The following EPM2A variants were observed in gnomAD, a reference collection of about 807,000 sequenced individuals.
EPM2A encodes EPM2A glucan phosphatase, laforin.
A neutral mutation model predicts 26.5 loss-of-function variants in EPM2A; 21 were observed. The observed-to-expected ratio is 0.79, with a 90% CI of 0.56 to 1.14. EPM2A has a LOEUF of 1.14. EPM2A is among the 50% of genes most tolerant of loss of function. The probability of loss-of-function intolerance (pLI) is 0.00; values close to 1 mark genes in which losing one functional copy is unlikely to be tolerated. For missense variants in EPM2A, 458 were observed against 440.8 expected (o/e 1.04, Z -0.35); for synonymous variants, 217 against 177.6 (o/e 1.22, Z -1.76).
intron 2 of EPM2A, among the ~76,000 whole-genome samples, chr6:145,673,627 C>G (rs979337662): frequency 6.6e-6 from 1 of 152,198 alleles, no homozygotes; most frequent in African/African-American, 2.4e-5. Context: ...GATTCTCTCC[C>G]GTGCCTAGCT....
chr6:145,710,626 T>C (rs1277845370), intron 1 of EPM2A, among the ~76,000 whole-genome samples: 3 of 152,172 alleles, frequency 2.0e-5, no homozygotes, highest in African/African-American at 7.2e-5. Context: ...ACTGGGTATA[T>C]ACCCAAAGGA....
chr6:145,683,706 C>A (rs1428512819), intron 2 of EPM2A, among the ~76,000 whole-genome samples: 1 of 152,076 alleles, frequency 6.6e-6, no homozygotes, highest in East Asian at 1.9e-4. Context: ...ACAGACCCTG[C>A]CTGTCTTTTC....
intron 2 of EPM2A, among the ~76,000 whole-genome samples, chr6:145,593,469 AC>A (rs1781301648): frequency 6.6e-6 from 1 of 152,132 alleles, no homozygotes; most frequent in Non-Finnish European, 1.5e-5. Context: ...TTCAACAGCC[AC>A]ATTATACAAA....
At chr6:145,676,774 G>T (rs554768083) in intron 2 of EPM2A, among the ~76,000 whole-genome samples, 1 of 152,284 alleles carries the variant, frequency 6.6e-6, no homozygotes, top group African/African-American at 2.4e-5. Flanking sequence ...TTCTGAAATT[G>T]AGGCAATAAT....
chr6:145,683,301 GTGTGTGAGTGTGTA>G (rs1484480953), intron 2 of EPM2A, among the ~76,000 whole-genome samples: 2 of 148,840 alleles, frequency 1.3e-5, no homozygotes, highest in African/African-American at 2.5e-5. Context: ...GTGTGTGTGT[GTGTGTGAGTGTGTA>G]TATATTAGAT....
intron 2 of EPM2A, among the ~76,000 whole-genome samples, chr6:145,579,055 G>A (rs1582870943): frequency 6.6e-6 from 1 of 152,054 alleles, no homozygotes; most frequent in East Asian, 1.9e-4. Context: ...AATGTTAAAT[G>A]ACGAGTTAAT....
chr6:145,394,310 T>C (rs1002873836), intron 4 of EPM2A, among the ~76,000 whole-genome samples: 2 of 152,132 alleles, frequency 1.3e-5, no homozygotes, highest in Admixed American at 6.5e-5. Context: ...ACTCATGTCT[T>C]TCCCATGTCA....
At chr6:145,520,535 G>A (rs1473382364) in intron 2 of EPM2A, among the ~76,000 whole-genome samples, 1 of 152,190 alleles carries the variant, frequency 6.6e-6, no homozygotes, top group African/African-American at 2.4e-5. Flanking sequence ...TTATATGCTT[G>A]TAAGGGAGCC....
chr6:145,491,286 T>G, intron 4 of EPM2A: 1 of 354,690 alleles, frequency 2.8e-6, no homozygotes, highest in East Asian at 7.4e-5. Flanking sequence ...CTCTACTCAT[T>G]GGAACCGGTT....
At chr6:145,527,166 A>AT (rs1176852504) in intron 2 of EPM2A, among the ~76,000 whole-genome samples, 8 of 151,922 alleles carry the variant, frequency 5.3e-5, no homozygotes, top group African/African-American at 1.9e-4. Context: ...TATCATTTTG[A>AT]TTTTTAAAAA....
At chr6:145,660,143 T>G (rs1449844893) in intron 2 of EPM2A, among the ~76,000 whole-genome samples, 1 of 152,190 alleles carries the variant, frequency 6.6e-6, no homozygotes, top group Middle Eastern at 3.2e-3. Context: ...CATGAGACTA[T>G]TAGCTTCTGA....
intron 2 of EPM2A, among the ~76,000 whole-genome samples, chr6:145,665,536 A>C (rs1779111596): frequency 7.3e-6 from 1 of 137,712 alleles, no homozygotes; most frequent in African/African-American, 2.8e-5. Context: ...TTTACCAACC[A>C]AAAAGAGTCC....
chr6:145,584,089 T>C (rs757262757), intron 2 of EPM2A, among the ~76,000 whole-genome samples: 2 of 152,074 alleles, frequency 1.3e-5, no homozygotes, highest in Non-Finnish European at 2.9e-5. Context: ...GTCCTATCAG[T>C]GAAGAAGTGG....
intron 4 of EPM2A, among the ~76,000 whole-genome samples, chr6:145,427,237 G>A (rs550504511): frequency 3.7e-4 from 56 of 152,328 alleles, no homozygotes; most frequent in African/African-American, 1.3e-3. Context: ...ATGACTGAGA[G>A]ATATGGTAGG....
chr6:145,600,725 G>A (rs1204099205), intron 2 of EPM2A, among the ~76,000 whole-genome samples: 16 of 152,190 alleles, frequency 1.1e-4, no homozygotes, highest in South Asian at 8.3e-4. Context: ...GTTTGGTGAT[G>A]CCTTCTCAGT....
chr6:145,494,406 CTATT>C (rs1779792550), intron 4 of EPM2A, among the ~76,000 whole-genome samples: 1 of 151,844 alleles, frequency 6.6e-6, no homozygotes, highest in Non-Finnish European at 1.5e-5. Context: ...AGTAGTCTAC[CTATT>C]TAATTATTTT....
chr6:145,387,620 G>A (rs1562315966), intron 4 of EPM2A, among the ~76,000 whole-genome samples: 2 of 151,754 alleles, frequency 1.3e-5, no homozygotes, highest in South Asian at 2.1e-4. Flanking sequence ...ATCCAGCCAG[G>A]GATTACCACA....
At chr6:145,558,217 C>A (rs763444559) in intron 2 of EPM2A, among the ~76,000 whole-genome samples, 1 of 151,908 alleles carries the variant, frequency 6.6e-6, no homozygotes, top group Non-Finnish European at 1.5e-5. Flanking sequence ...TCTCGTGAGA[C>A]TTATTCAGTA....
At chr6:145,496,728 A>ATTTTTT (rs1554244200), downstream of EPM2A, among the ~76,000 whole-genome samples, 1 of 106,908 alleles carries the variant, frequency 9.4e-6, no homozygotes, top group Admixed American at 9.7e-5. Context: ...AGTTCCTGCA[A>ATTTTTT]TTTTTTTTTT....
Sources: allele counts gnomAD v4.1 joint callset (sites outside exome capture counted in the v4.1 genomes callset), GRCh38; gene constraint gnomAD v4.1.1; transcripts MANE v1.5; gene names NCBI Gene and HGNC (gene_info 2026-07-23, HGNC 2026-07-21).